ADAM10: variants seen among roughly 807,000 people sequenced by gnomAD.
The protein encoded by ADAM10 is ADAM metallopeptidase domain 10.
ADAM10 carries 17 observed loss-of-function variants against 90.1 expected under a neutral mutation model. The ratio of observed to expected loss-of-function variants is 0.19; its 90% CI spans 0.13 to 0.28. The LOEUF (loss-of-function observed/expected upper bound fraction) is 0.28, where lower values mean the gene tolerates loss of function less well. Ranked by LOEUF, ADAM10 falls within the 10% of genes least tolerant of loss-of-function variation. The pLI is 1.00. For missense variants in ADAM10, 610 were observed against 914.3 expected, an observed-to-expected ratio of 0.67 and a Z score of 4.29; for synonymous variants, 310 against 298.6, an observed-to-expected ratio of 1.04 and a Z score of -0.40.
intron 2 of ADAM10, among the ~76,000 whole-genome samples, chr15:58,716,150 G>A (rs1326990274): frequency 1.3e-5 from 2 of 152,064 alleles, no homozygotes; most frequent in Non-Finnish European, 2.9e-5. Flanking sequence ...TAATTTAAGT[G>A]ACACATTTAT....
chr15:58,717,638 C>T lies in ADAM10; in HGVS notation c.145G>A (p.Ala49Thr). Residue 49 changes from alanine to threonine, a missense_variant, in exon 2 of 16, where the codon GCC becomes ACC. Transcript: ENST00000260408. ...VDSLHQKHQR[A>T]KRAVSHEDQF... ...TCTTCATGTGAGACTGCTCTTTTGG[C>T]ACGCTGGTGTTTTTGGTGTAATGAA... is the stretch of plus-strand genomic sequence containing the variant. 2 of 1,613,844 alleles carry T rather than the reference C, an allele frequency of 1.2e-6. No homozygotes were observed. The highest frequency in any genetic ancestry group is 1.7e-6 in the Non-Finnish European group (2 of 1,179,934).
chr15:58,718,483 T>C (rs1324054652), intron 1 of ADAM10, among the ~76,000 whole-genome samples: 1 of 150,312 alleles, frequency 6.7e-6, no homozygotes, highest in Non-Finnish European at 1.5e-5. Context: ...AAAAAAAAAA[T>C]GTGTTGAGAA....
intron 1 of ADAM10, among the ~76,000 whole-genome samples, chr15:58,744,904 G>A (rs1449715467): frequency 1.3e-5 from 2 of 152,030 alleles, no homozygotes; most frequent in Admixed American, 1.3e-4. Context: ...TATTCCCAGC[G>A]GGGCGCAGTG....
chr15:58,644,032 T>C (rs1273147434), intron 6 of ADAM10, 54 bp from the exon 7 acceptor site: 8 of 1,365,778 alleles, frequency 5.9e-6, no homozygotes, highest in Non-Finnish European at 2.1e-6. Context: ...ATGAAAAAGA[T>C]TATAAATTTC....
At chr15:58,742,348 A>T (rs1899641641) in intron 1 of ADAM10, among the ~76,000 whole-genome samples, 2 of 152,204 alleles carry the variant, frequency 1.3e-5, no homozygotes, top group Admixed American at 6.5e-5. Context: ...CTTAAAACTT[A>T]AATGGGGTTA....
chr15:58,731,846 G>C (rs1899256929), intron 1 of ADAM10, among the ~76,000 whole-genome samples: 1 of 152,132 alleles, frequency 6.6e-6, no homozygotes, highest in Non-Finnish European at 1.5e-5. Flanking sequence ...GCCTGGTCTT[G>C]AAAGACGTTT....
Position 58,595,154 on chromosome 15 carries a change from A to C in ADAM10, c.*2393T>G, listed in dbSNP as rs1292236213. 1.3e-5 allele frequency: 2 copies of C among 152,178 alleles called. No individual in the cohort carries two copies. The highest frequency in any genetic ancestry group is 4.8e-5 in the African/African-American group (2 of 41,462). The allele number at this position is 152,178 out of a possible 1,614,324, so 9.4% of individuals were successfully genotyped here. Reference sequence around the variant, plus strand: ...TCAAAATGACTCACCTCTTCCACCAAGACAAGCACTGAATATTGATTAGAA... The same window carrying C: ...TCAAAATGACTCACCTCTTCCACCACGACAAGCACTGAATATTGATTAGAA... On this transcript the variant is annotated 3_prime_UTR_variant, in exon 16 of 16. Transcript: ENST00000260408.
chr15:58,704,898 T>A (rs747746427), intron 2 of ADAM10, among the ~76,000 whole-genome samples: 10 of 152,206 alleles, frequency 6.6e-5, no homozygotes, highest in Non-Finnish European at 1.3e-4. Flanking sequence ...CTTTCTACTG[T>A]ATCAAGAATG....
chr15:58,629,970 C>T (rs770675156), intron 9 of ADAM10, among the ~76,000 whole-genome samples: 7 of 152,000 alleles, frequency 4.6e-5, no homozygotes, highest in Non-Finnish European at 7.4e-5. Flanking sequence ...GACGGGGTTT[C>T]GCCATGTTGC....
intron 1 of ADAM10, among the ~76,000 whole-genome samples, chr15:58,737,351 A>C (rs1899463819): frequency 6.6e-6 from 1 of 152,102 alleles, no homozygotes; most frequent in East Asian, 1.9e-4. Context: ...ATTTTTTCAC[A>C]TCCAAAAAAT....
chr15:58,675,341 A>G (rs1029261337), intron 4 of ADAM10, among the ~76,000 whole-genome samples: 35 of 152,358 alleles, frequency 2.3e-4, no homozygotes, highest in Admixed American at 1.8e-3. Context: ...GTATTTCTCT[A>G]TAAGTATAGA....
intron 14 of ADAM10, among the ~76,000 whole-genome samples, chr15:58,600,627 G>A (rs1223623959): frequency 1.3e-5 from 2 of 152,062 alleles, no homozygotes; most frequent in African/African-American, 4.8e-5. Context: ...ATTTTAACCT[G>A]ACCTATATTA....
chr15:58,629,947 T>C (rs913435789), intron 9 of ADAM10, among the ~76,000 whole-genome samples: 10 of 152,096 alleles, frequency 6.6e-5, no homozygotes, highest in Non-Finnish European at 1.2e-4. Context: ...TTTTTGTGTG[T>C]ATTTTTGGTA....
intron 2 of ADAM10, among the ~76,000 whole-genome samples, chr15:58,704,767 C>T (rs1567004114): frequency 6.6e-6 from 1 of 152,168 alleles, no homozygotes; most frequent in Non-Finnish European, 1.5e-5. Context: ...ATTACTGCAT[C>T]TTACCCTCAG....
chr15:58,714,517 ATAT>A (rs1430132337), intron 2 of ADAM10, among the ~76,000 whole-genome samples: 1 of 152,110 alleles, frequency 6.6e-6, no homozygotes, highest in African/African-American at 2.4e-5. Context: ...ACTCTACTTG[ATAT>A]TTTTTAAAGG....
intron 8 of ADAM10, among the ~76,000 whole-genome samples, chr15:58,635,766 C>A (rs1896233722): frequency 6.7e-6 from 1 of 149,624 alleles, no homozygotes. Context: ...GCATAGAAGA[C>A]TCCACACTTC....
At position 58,646,674 on chromosome 15, in the gene ADAM10, C is replaced by G. The variant is rs192732403; in HGVS notation, c.586-470G>C. On this transcript the variant is annotated intron_variant, in intron 5 of 15. Transcript: ENST00000260408. ...TTAATCAACCAATAGCCACTAATGGCCTTACATCTCTTCTCCATATTGCAA... is the reference window on the plus strand; with the variant it reads ...TTAATCAACCAATAGCCACTAATGGGCTTACATCTCTTCTCCATATTGCAA... Among the ~76,000 whole-genome samples, 3 of 152,286 alleles carry G rather than the reference C, an allele frequency of 2.0e-5. No homozygotes were observed. The East Asian group carries it at 5.8e-4, about 29-fold the overall frequency.
At chr15:58,739,410 G>A (rs902857490) in intron 1 of ADAM10, among the ~76,000 whole-genome samples, 4 of 151,638 alleles carry the variant, frequency 2.6e-5, no homozygotes, top group Middle Eastern at 3.4e-3. Flanking sequence ...CCAGCTACTC[G>A]GGAGGCTGAG....
intron 4 of ADAM10, 141 bp from the exon 5 acceptor site, chr15:58,665,338 T>C (rs1446000350): frequency 2.8e-6 from 2 of 709,300 alleles, no homozygotes; most frequent in Non-Finnish European, 4.9e-6. Context: ...AAAGGCATTA[T>C]GCTAGGCATT....
Sources: allele counts gnomAD v4.1 joint callset (sites outside exome capture counted in the v4.1 genomes callset), GRCh38; gene constraint gnomAD v4.1.1; transcripts MANE v1.5; gene names NCBI Gene and HGNC (gene_info 2026-07-23, HGNC 2026-07-21).